Variants in SLC4A4 observed in about 807,000 individuals in gnomAD.
SLC4A4 encodes solute carrier family 4 member 4.
Under a neutral mutation model 111.5 loss-of-function variants are expected in SLC4A4, and 27 were observed. The ratio of observed to expected loss-of-function variants is 0.24; its 90% confidence interval spans 0.18 to 0.33. SLC4A4 has a LOEUF of 0.33. SLC4A4 is among the 10% of genes least tolerant of loss of function. The pLI is 1.00. For synonymous variants in SLC4A4, 443 were observed against 463.4 expected (o/e 0.96, Z 0.57); for missense variants, 909 against 1,315.5 (o/e 0.69, Z 4.78).
chr4:71,267,791 C>CAAAAAAAAAAAAAAAGAAAAAAAAAAAA (rs1722381182), intron 3 of SLC4A4, among the ~76,000 whole-genome samples: 1 of 62,360 alleles, frequency 1.6e-5, no homozygotes. Context: ...GAGAGTCTGC[C>CAAAAAAAAAAAAAAAGAAAAAAAAAAAA]AAAAAAAAAA....
In SLC4A4 at chr4:71,332,573, T is replaced by A. The variant is rs1728096053; in HGVS notation, c.254-6797T>A. 4.0e-5 allele frequency among the ~76,000 whole-genome samples: 6 copies of A among 151,762 alleles called. 1 individual carries two copies. Among genetic ancestry groups the A allele is most frequent in the Admixed American group, 3.9e-4 (6 of 15,232 alleles). Reference sequence around the variant, plus strand: ...CATTCTCCTGCCTCAGCCTCCCGAGTAGCTGGGACTACAGGCGCCCGCCAC... The same window carrying A: ...CATTCTCCTGCCTCAGCCTCCCGAGAAGCTGGGACTACAGGCGCCCGCCAC... On this transcript the variant is annotated intron_variant, in intron 3 of 25. Coordinates refer to ENST00000264485, the MANE Select transcript of SLC4A4 (RefSeq NM_001098484.3).
At chr4:71,350,113 T>C in intron 5 of SLC4A4, 41 bp downstream of exon 5, 1 of 1,608,576 alleles carries the variant, frequency 6.2e-7, no homozygotes, top group Non-Finnish European at 8.5e-7. Flanking sequence ...TTTTTCGGCT[T>C]TCCCTAGCCA....
chr4:71,395,128 C>T (rs1176366082), intron 6 of SLC4A4, among the ~76,000 whole-genome samples: 1 of 152,110 alleles, frequency 6.6e-6, no homozygotes, highest in African/African-American at 2.4e-5. Flanking sequence ...GCCTTTCTAA[C>T]AAGCGTACAG....
At chr4:71,485,354 G>GA (rs1729276822) in intron 14 of SLC4A4, among the ~76,000 whole-genome samples, 1 of 151,702 alleles carries the variant, frequency 6.6e-6, no homozygotes, top group East Asian at 1.9e-4. Flanking sequence ...AATGGATGTT[G>GA]AATTTTATCC....
chr4:71,188,711 C>T (rs981140804), intron 1 of SLC4A4, among the ~76,000 whole-genome samples: 5 of 151,870 alleles, frequency 3.3e-5, no homozygotes, highest in African/African-American at 1.2e-4. Context: ...TATTCAGTAG[C>T]TTTTTATAGC....
chr4:71,214,080 T>G (rs1718286248), intron 1 of SLC4A4, among the ~76,000 whole-genome samples: 1 of 152,164 alleles, frequency 6.6e-6, no homozygotes, highest in Non-Finnish European at 1.5e-5. Context: ...TTTCTTGACA[T>G]GGCCCCCAGG....
rs751446203 is a variant in SLC4A4 at position 71,339,526 on chromosome 4, T to G, written c.389+21T>G. Reference sequence around the variant, plus strand: ...GCCAGGTGAGGCATAGCTGACTGTATGTAGTACTGACCCAGGGAAACAAGG... The same window carrying G: ...GCCAGGTGAGGCATAGCTGACTGTAGGTAGTACTGACCCAGGGAAACAAGG... On this transcript the variant is annotated intron_variant, in intron 4 of 25. Coordinates refer to ENST00000264485, the MANE Select transcript of SLC4A4 (RefSeq NM_001098484.3). 2.5e-6 allele frequency: 4 copies of G among 1,610,600 alleles called. No individual in the cohort carries two copies. The South Asian group carries it at 4.4e-5, about 18-fold the overall frequency.
chr4:71,338,718 T>C (rs933905796), intron 3 of SLC4A4, among the ~76,000 whole-genome samples: 3 of 151,664 alleles, frequency 2.0e-5, no homozygotes, highest in Non-Finnish European at 4.4e-5. Flanking sequence ...TTTTTTTTTT[T>C]CTCTCTCCCT....
chr4:71,505,353 C>G (rs1327761457), intron 16 of SLC4A4, among the ~76,000 whole-genome samples: 1 of 152,034 alleles, frequency 6.6e-6, no homozygotes, highest in African/African-American at 2.4e-5. Context: ...ACTTTGCCAG[C>G]ATCTGCTATT....
intron 3 of SLC4A4, among the ~76,000 whole-genome samples, chr4:71,284,177 T>G (rs1723735195): frequency 6.6e-6 from 1 of 152,230 alleles, no homozygotes; most frequent in Non-Finnish European, 1.5e-5. Flanking sequence ...TTAGATTTTA[T>G]ACTCTTTGCC....
chr4:71,350,095 A>G (rs1191633514), intron 5 of SLC4A4, 23 bp downstream of exon 5: 3 of 1,613,496 alleles, frequency 1.9e-6, no homozygotes, highest in African/African-American at 2.7e-5. Flanking sequence ...TTTGAATTTT[A>G]TCCTATTTTT....
chr4:71,211,087 G>T (rs1301802711), intron 1 of SLC4A4, among the ~76,000 whole-genome samples: 1 of 152,166 alleles, frequency 6.6e-6, no homozygotes, highest in Non-Finnish European at 1.5e-5. Flanking sequence ...AGATCCATGT[G>T]GTTGTTAGAT....
chr4:71,276,550 G>A (rs566823356), intron 3 of SLC4A4, among the ~76,000 whole-genome samples: 10 of 150,502 alleles, frequency 6.6e-5, no homozygotes, highest in African/African-American at 2.2e-4. Context: ...GAAATCATAT[G>A]GTATGTGAAT....
intron 2 of SLC4A4, among the ~76,000 whole-genome samples, chr4:71,170,721 G>A (rs1428760694): frequency 6.6e-6 from 1 of 152,200 alleles, no homozygotes; most frequent in Non-Finnish European, 1.5e-5. Flanking sequence ...GAGGATATAA[G>A]AAACATATAC....
At chr4:71,419,085 A>G (rs1010034209) in intron 7 of SLC4A4, among the ~76,000 whole-genome samples, 36 of 152,276 alleles carry the variant, frequency 2.4e-4, no homozygotes, top group South Asian at 6.2e-4. Flanking sequence ...GGCCGTGTGA[A>G]GTGTCAGTCT....
At chr4:71,077,386 C>T (rs557390685) in intron 1 of SLC4A4, among the ~76,000 whole-genome samples, 1 of 152,170 alleles carries the variant, frequency 6.6e-6, no homozygotes, top group Non-Finnish European at 1.5e-5. Context: ...GTCTCGAACC[C>T]CTGACCTCAG....
intron 7 of SLC4A4, among the ~76,000 whole-genome samples, chr4:71,432,897 A>G (rs975722882): frequency 1.3e-5 from 2 of 152,050 alleles, no homozygotes; most frequent in Non-Finnish European, 2.9e-5. Context: ...TCTCCACAAC[A>G]ATCCATTGTA....
intron 1 of SLC4A4, among the ~76,000 whole-genome samples, chr4:71,198,266 A>G (rs1746094083): frequency 6.6e-6 from 1 of 152,254 alleles, no homozygotes; most frequent in African/African-American, 2.4e-5. Flanking sequence ...TTACATATGC[A>G]TAATATTTCC....
chr4:71,395,440 T>G (rs576902720), intron 6 of SLC4A4, among the ~76,000 whole-genome samples: 1 of 152,334 alleles, frequency 6.6e-6, no homozygotes, highest in African/African-American at 2.4e-5. Context: ...TAGTCTTCTC[T>G]TCCTCATCTG....
Sources: allele counts gnomAD v4.1 joint callset (sites outside exome capture counted in the v4.1 genomes callset), GRCh38; gene constraint gnomAD v4.1.1; transcripts MANE v1.5; gene names NCBI Gene and HGNC (gene_info 2026-07-23, HGNC 2026-07-21).